Variants in BRAF observed in about 807,000 individuals in gnomAD.
BRAF encodes the protein serine/threonine-protein kinase B-raf.
BRAF carries 16 observed loss-of-function variants against 104.6 expected under a neutral mutation model. The observed-to-expected ratio is 0.15, with a 90% CI of 0.10 to 0.23. The LOEUF (loss-of-function observed/expected upper bound fraction) is 0.23, where lower values mean the gene tolerates loss of function less well. Among genes scored for constraint, BRAF ranks in the 10% least tolerant of loss-of-function variants. The pLI, the probability that BRAF is intolerant of heterozygous loss-of-function variation, is 1.00. For synonymous variants in BRAF, 310 were observed against 341.6 expected (o/e 0.91, Z 1.02); for missense variants, 541 against 937.3 (o/e 0.58, Z 5.52).
intron 1 of BRAF, among the ~76,000 whole-genome samples, chr7:140,855,035 A>T (rs1357313009): frequency 6.6e-6 from 1 of 152,194 alleles, no homozygotes; most frequent in East Asian, 1.9e-4. Flanking sequence ...TATCTCCCCA[A>T]AGAAGAGTAA....
chr7:140,750,732 T>A (rs749187355), intron 16 of BRAF, among the ~76,000 whole-genome samples: 5 of 152,152 alleles, frequency 3.3e-5, no homozygotes, highest in Non-Finnish European at 7.4e-5. Flanking sequence ...ATGGCAAAGG[T>A]ATAATGTTCA....
chr7:140,835,799 CTCACACCATGCTCTACT>C (rs1164201891), intron 2 of BRAF: 1 of 152,296 alleles, frequency 6.6e-6, no homozygotes, highest in African/African-American at 2.4e-5. Flanking sequence ...AATCCCCTCA[CTCACACCATGCTCTACT>C]ATTTCTACCT....
intron 18 of BRAF, among the ~76,000 whole-genome samples, chr7:140,736,928 C>T (rs1226955177): frequency 6.6e-6 from 1 of 151,696 alleles, no homozygotes; most frequent in Non-Finnish European, 1.5e-5. Context: ...TAGGCACCTG[C>T]AATCCCAGCT....
chr7:140,725,048 C>T lies in BRAF; in HGVS notation c.*1446G>A. On this transcript the variant is annotated 3_prime_UTR_variant, in exon 20 of 20. Transcript: ENST00000644969. ...ACACCCTCCCTCAGTCCTAATATCC[C>T]TAAAATTGCTCTATTCTCTGTCTGG... 2 of 1,046,786 alleles carry T rather than the reference C, an allele frequency of 1.9e-6. No individual in the cohort carries two copies. The highest frequency in any genetic ancestry group is 9.2e-5 in the South Asian group (2 of 21,790). 64.8% of individuals were successfully genotyped at this position (1,046,786 alleles called of 1,614,324 possible). A position where few individuals can be genotyped will look rare whatever the true frequency, so the allele number is the denominator to read the frequency against.
chr7:140,837,394 T>C (rs376495838), intron 2 of BRAF, among the ~76,000 whole-genome samples: 1 of 152,352 alleles, frequency 6.6e-6, no homozygotes, highest in South Asian at 2.1e-4. Flanking sequence ...CTGTTCAAGG[T>C]CAACATTAAT....
At chr7:140,845,734 A>G (rs564437325) in intron 2 of BRAF, among the ~76,000 whole-genome samples, 3 of 152,292 alleles carry the variant, frequency 2.0e-5, no homozygotes, top group African/African-American at 7.2e-5. Flanking sequence ...GTTGGAGTGC[A>G]GTGGCATGAT....
chr7:140,755,391 AAC>A (rs1196474994), intron 14 of BRAF, among the ~76,000 whole-genome samples: 3 of 152,226 alleles, frequency 2.0e-5, no homozygotes, highest in African/African-American at 7.2e-5. Flanking sequence ...TCATGCAATA[AAC>A]ACTGTTAAAA....
chr7:140,924,865 C>T lies in BRAF; in HGVS notation c.-162G>A. The T allele has an allele frequency of 8.7e-6, 2 of 229,756 alleles. No homozygotes were observed. The highest frequency in any genetic ancestry group is 8.1e-6 in the Non-Finnish European group (1 of 122,938). The allele number at this position is 229,756 out of a possible 1,614,324, so 14.2% of individuals were successfully genotyped here. ...GGGCGGCGCCGCGGGCGGAGGGCGC[C>T]TGGGCCACCTCAGGTACCGGCCCGC... On this transcript the variant is annotated 5_prime_UTR_variant, in exon 1 of 20. Transcript: ENST00000644969. The surrounding 1 kb of genome is among the most constrained non-coding windows in gnomAD (Gnocchi z 4.2).
In BRAF at chr7:140,924,575, A is replaced by T. The variant is rs1818654548; in HGVS notation, c.129T>A (p.Ile43=). The change falls in exon 1 of 20, where the codon ATT becomes ATA. Residue 43 remains isoleucine (I), a synonymous_variant. Coordinates refer to ENST00000644969, the MANE Select transcript of BRAF (RefSeq NM_001374258.1). This position sits in a 1 kb window ranked among gnomAD's most constrained non-coding sequence, Gnocchi z 4.2. ...AAASSAADPA[I]PEEVWNIKQM... ...TGGCGCCAGCACTCACCTCCTCCGG[A>T]ATGGCAGGGTCCGCAGCCGAAGAGG... 2 of 1,530,410 alleles carry T rather than the reference A, an allele frequency of 1.3e-6. No homozygotes were observed. Among genetic ancestry groups the T allele is most frequent in the Non-Finnish European group, 1.7e-6 (2 of 1,144,632 alleles). 94.8% of individuals were successfully genotyped at this position (1,530,410 alleles called of 1,614,324 possible). A position where few individuals can be genotyped will look rare whatever the true frequency, so the allele number is the denominator to read the frequency against.
rs995423612 is a variant in BRAF at position 140,918,075 on chromosome 7, A to G, written c.138+6491T>C. ...TGTTGAAATTTTCTACACAGATGAT[A>G]CCTGAGAAGATTTATGCCAGCACAA... On this transcript the variant is annotated intron_variant, in intron 1 of 19. Transcript: ENST00000644969. Among the ~76,000 whole-genome samples the G allele has an allele frequency of 5.3e-5, 8 of 152,304 alleles. No homozygotes were observed. The South Asian group carries it at 1.7e-3, about 32-fold the overall frequency.
chr7:140,796,777 C>G (rs1405853311), intron 7 of BRAF, among the ~76,000 whole-genome samples: 1 of 152,164 alleles, frequency 6.6e-6, no homozygotes, highest in Non-Finnish European at 1.5e-5. Flanking sequence ...ATATCTCAGC[C>G]ATGTCCTAAT....
intron 3 of BRAF, among the ~76,000 whole-genome samples, chr7:140,810,300 G>A (rs1804109300): frequency 6.6e-6 from 1 of 152,182 alleles, no homozygotes; most frequent in Admixed American, 6.5e-5. Flanking sequence ...TGGGTGCAGT[G>A]GCTAACACCT....
chr7:140,799,264 A>G (rs1231571822), intron 7 of BRAF: 2 of 232,006 alleles, frequency 8.6e-6, no homozygotes, highest in Admixed American at 5.6e-5. Context: ...CCATACTTCT[A>G]GCACTTGAAC....
intron 1 of BRAF, among the ~76,000 whole-genome samples, chr7:140,873,046 T>C (rs542455207): frequency 4.2e-4 from 64 of 152,208 alleles, no homozygotes; most frequent in African/African-American, 1.5e-3. Context: ...AATGAGTACA[T>C]TGATAAATCC....
chr7:140,904,155 C>T (rs549532918), intron 1 of BRAF, among the ~76,000 whole-genome samples: 1 of 152,200 alleles, frequency 6.6e-6, no homozygotes. Flanking sequence ...AAAGCATCGC[C>T]TGGTACAGAG....
intron 1 of BRAF, among the ~76,000 whole-genome samples, chr7:140,862,311 A>G (rs1810508171): frequency 6.6e-6 from 1 of 152,202 alleles, no homozygotes; most frequent in South Asian, 2.1e-4. Context: ...GAAATGTCCC[A>G]GAAGGTAGAG....
intron 17 of BRAF, 188 bp downstream of exon 16, chr7:140,749,099 G>T: frequency 1.6e-6 from 1 of 612,358 alleles, no homozygotes; most frequent in Non-Finnish European, 2.8e-6. Context: ...ATTCATGACT[G>T]ATATTCTGAG....
At chr7:140,809,531 G>A (rs1804005390) in intron 3 of BRAF, among the ~76,000 whole-genome samples, 1 of 152,140 alleles carries the variant, frequency 6.6e-6, no homozygotes, top group Non-Finnish European at 1.5e-5. Context: ...AAATCCACAT[G>A]GTACTAGAAA....
chr7:140,829,849 G>A lies in BRAF; in HGVS notation c.504+4760C>T, dbSNP rs368031295. 7.9e-5 allele frequency among the ~76,000 whole-genome samples: 12 copies of A among 152,218 alleles called. No individual in the cohort carries two copies. In the East Asian group the frequency reaches 1.4e-3, roughly 17 times the overall value. ...GAAGGCTGGTTTTTGTTTAACACAG[G>A]AAAATTTTCCTGTATTATGTCTGTG... On this transcript the variant is annotated intron_variant, in intron 3 of 19. Transcript: ENST00000644969.
Sources: allele counts gnomAD v4.1 joint callset (sites outside exome capture counted in the v4.1 genomes callset), GRCh38; gene constraint gnomAD v4.1.1; non-coding constraint Gnocchi (gnomAD v3.1); transcripts MANE v1.5; gene names NCBI Gene and HGNC (gene_info 2026-07-23, HGNC 2026-07-21).